Variants in LMNB1 observed in about 807,000 individuals in gnomAD.
LMNB1 encodes the protein lamin B1.
A neutral mutation model predicts 67.1 loss-of-function variants in LMNB1; 23 were observed. That is an observed-to-expected ratio of 0.34 (90% CI 0.25 to 0.49). The LOEUF (loss-of-function observed/expected upper bound fraction) is 0.49, where lower values mean the gene tolerates loss of function less well. LMNB1 is among the 20% of genes least tolerant of loss of function. The probability of loss-of-function intolerance (pLI) is 0.99; values close to 1 mark genes in which losing one functional copy is unlikely to be tolerated. For missense variants in LMNB1, 634 were observed against 746.5 expected, an observed-to-expected ratio of 0.85 and a Z score of 1.76; for synonymous variants, 281 against 282.9, an observed-to-expected ratio of 0.99 and a Z score of 0.07.
chr5:126,825,910 G>T, intron 8 of LMNB1, 78 bp from the exon 9 acceptor site: 1 of 1,588,766 alleles, frequency 6.3e-7, no homozygotes, highest in South Asian at 1.1e-5. Flanking sequence ...TCAAGTGTTT[G>T]AGTCTCATCG....
At chr5:126,829,682 C>T (rs1388446507) in intron 9 of LMNB1, among the ~76,000 whole-genome samples, 1 of 151,944 alleles carries the variant, frequency 6.6e-6, no homozygotes, top group East Asian at 1.9e-4. Context: ...AACTTCATCC[C>T]CTGTGAGGCA....
rs1447275983 is a variant in LMNB1 at position 126,800,980 on chromosome 5, T to A, written c.360-3796T>A. ...ATATATATATATATATATATATATA[T>A]AATTTTTTTTTTTTTTTTTTGGTGG... On this transcript the variant is annotated intron_variant, in intron 1 of 10. Coordinates refer to ENST00000261366, the MANE Select transcript of LMNB1 (RefSeq NM_005573.4). 2.9e-5 allele frequency among the ~76,000 whole-genome samples: 2 copies of A among 69,092 alleles called. 1 individual carries two copies. Among genetic ancestry groups the A allele is most frequent in the South Asian group, 1.1e-3 (2 of 1,804 alleles). The allele number at this position is 69,092 out of a possible 152,430, so 45.3% of individuals were successfully genotyped here.
chr5:126,830,032 A>G (rs535821436), intron 9 of LMNB1, among the ~76,000 whole-genome samples: 1 of 152,378 alleles, frequency 6.6e-6, no homozygotes, highest in Non-Finnish European at 1.5e-5. Flanking sequence ...TGTATATGCA[A>G]ATGATTACTT....
rs146217763 is a variant in LMNB1 at position 126,819,877 on chromosome 5, C to A, written c.1160+735C>A. Reference sequence around the variant, plus strand: ...AGTTCCAAAAGGGCCAGGTGCATTGCCTCATGCCTGTAATCCCGGCACTTT... The same window carrying A: ...AGTTCCAAAAGGGCCAGGTGCATTGACTCATGCCTGTAATCCCGGCACTTT... On this transcript the variant is annotated intron_variant, in intron 6 of 10. Transcript: ENST00000261366. Among the ~76,000 whole-genome samples the A allele has an allele frequency of 2.0e-3, 305 of 152,210 alleles. 3 individuals are homozygous for A. Among genetic ancestry groups the A allele is most frequent in the African/African-American group, 7.0e-3 (290 of 41,564 alleles).
chr5:126,798,407 G>T (rs577714131), intron 1 of LMNB1, among the ~76,000 whole-genome samples: 1 of 152,222 alleles, frequency 6.6e-6, no homozygotes, highest in East Asian at 1.9e-4. Flanking sequence ...CCGAGATCGC[G>T]CTACTGCACT....
chr5:126,809,144 G>C (rs1455228310), intron 3 of LMNB1, among the ~76,000 whole-genome samples: 1 of 152,088 alleles, frequency 6.6e-6, no homozygotes, highest in Non-Finnish European at 1.5e-5. Context: ...CAAAGTGCTA[G>C]GATTACAGGC....
At chr5:126,800,951 CTATATATATATA>C (rs57113826) in intron 1 of LMNB1, among the ~76,000 whole-genome samples, 41 of 47,298 alleles carry the variant, frequency 8.7e-4, no homozygotes, top group African/African-American at 2.6e-3. Context: ...TGCAGCCAGA[CTATATATATATA>C]TATATATATA....
chr5:126,778,631 G>A (rs996805904), intron 1 of LMNB1, among the ~76,000 whole-genome samples: 4 of 152,166 alleles, frequency 2.6e-5, no homozygotes, highest in African/African-American at 7.2e-5. Context: ...TTCTGCGCAG[G>A]GAAGGAAAGC....
At chr5:126,813,891 T>C (rs1580546236) in intron 5 of LMNB1, among the ~76,000 whole-genome samples, 1 of 152,256 alleles carries the variant, frequency 6.6e-6, no homozygotes, top group South Asian at 2.1e-4. Context: ...TCTTTGTTTT[T>C]CTTGTTGTTT....
Position 126,829,145 on chromosome 5 carries a change from T to C in LMNB1, c.1611+3038T>C, listed in dbSNP as rs568095326. Among the ~76,000 whole-genome samples, 144 of 152,192 alleles carry C rather than the reference T, an allele frequency of 9.5e-4. 1 individual carries two copies. The highest frequency in any genetic ancestry group is 3.3e-3 in the African/African-American group (137 of 41,554). ...CAGTTTTGTTTCTTATGTTTTTTTT[T>C]TTCTTCTTGCTGGGGCATTGGAAAT... is the stretch of plus-strand genomic sequence containing the variant. On this transcript the variant is annotated intron_variant, in intron 9 of 10. Coordinates refer to ENST00000261366, the MANE Select transcript of LMNB1 (RefSeq NM_005573.4).
Position 126,787,548 on chromosome 5 carries a change from T to TATA in LMNB1, c.359+9681_359+9682insATA, listed in dbSNP as rs1348320183. Among the ~76,000 whole-genome samples, 190 of 63,468 alleles carry TATA rather than the reference T, an allele frequency of 3.0e-3. 3 individuals carry two copies. The highest frequency in any genetic ancestry group is 0.011 in the East Asian group (33 of 2,982). 41.6% of individuals were successfully genotyped at this position (63,468 alleles called of 152,430 possible). ...GGTATATATATATATATATATATAT[T>TATA]TTTTTTTTTTTTTTTTGAGATAGAG... is the stretch of plus-strand genomic sequence containing the variant. On this transcript the variant is annotated intron_variant, in intron 1 of 10. Transcript: ENST00000261366.
intron 3 of LMNB1, among the ~76,000 whole-genome samples, chr5:126,807,147 C>G (rs1283215427): frequency 6.6e-6 from 1 of 152,048 alleles, no homozygotes; most frequent in Non-Finnish European, 1.5e-5. Context: ...GGGGCAAAAC[C>G]GTTGTCAAAC....
intron 8 of LMNB1, among the ~76,000 whole-genome samples, chr5:126,824,174 T>G (rs535631936): frequency 6.6e-6 from 1 of 152,336 alleles, no homozygotes; most frequent in East Asian, 1.9e-4. Flanking sequence ...TAATAAGTGA[T>G]CTTTCTGTAA....
rs150403205 is a variant in LMNB1 at position 126,819,592 on chromosome 5, G to A, written c.1160+450G>A. 2.4e-3 allele frequency among the ~76,000 whole-genome samples: 358 copies of A among 151,976 alleles called. 1 individual carries two copies. Among genetic ancestry groups the A allele is most frequent in the African/African-American group, 8.3e-3 (344 of 41,452 alleles). On this transcript the variant is annotated intron_variant, in intron 6 of 10. Transcript: ENST00000261366. The stretch of plus-strand genomic sequence containing the variant: ...TGCAACCTTCACCTCCTGGTTTCAA[G>A]CGATTTGCCTACCTCAGCCTCCTGA...
intron 5 of LMNB1, among the ~76,000 whole-genome samples, chr5:126,816,980 G>A (rs1442771368): frequency 6.6e-6 from 1 of 152,198 alleles, no homozygotes; most frequent in Non-Finnish European, 1.5e-5. Flanking sequence ...CCTCAAGGGT[G>A]AAGGACAGGG....
At chr5:126,834,847 G>T (rs1339598880) in intron 10 of LMNB1, among the ~76,000 whole-genome samples, 2 of 152,184 alleles carry the variant, frequency 1.3e-5, no homozygotes, top group Non-Finnish European at 2.9e-5. Context: ...CTGCACTCCA[G>T]CTTGGGTGAC....
intron 9 of LMNB1, among the ~76,000 whole-genome samples, chr5:126,829,598 G>A (rs902700975): frequency 5.3e-5 from 8 of 151,694 alleles, no homozygotes; most frequent in African/African-American, 1.9e-4. Context: ...GGCAGTAGAA[G>A]TTTGTTAAAA....
intron 1 of LMNB1, among the ~76,000 whole-genome samples, chr5:126,792,931 T>C (rs1165987066): frequency 6.6e-6 from 1 of 152,132 alleles, no homozygotes; most frequent in African/African-American, 2.4e-5. Context: ...TGCTTAGAAA[T>C]GATTTTTAGA....
At chr5:126,817,077 T>C (rs1045640946) in intron 5 of LMNB1, among the ~76,000 whole-genome samples, 5 of 143,514 alleles carry the variant, frequency 3.5e-5, no homozygotes, top group African/African-American at 1.5e-4. Flanking sequence ...CCCGTTTGTT[T>C]GGTTTGTTTG....
Sources: gnomAD v4.1 joint callset for allele counts (sites outside exome capture counted in the v4.1 genomes callset) on GRCh38, gnomAD v4.1.1 for gene constraint, MANE v1.5 for transcripts, NCBI Gene and HGNC (gene_info 2026-07-23, HGNC 2026-07-21) for gene names.